ROBO1: variants seen among roughly 807,000 people sequenced by gnomAD.
The protein encoded by ROBO1 is roundabout guidance receptor 1.
In ROBO1, 149 loss-of-function variants were observed where a neutral mutation model predicts 195.9. The observed-to-expected ratio is 0.76, with a 90% CI of 0.67 to 0.87. The LOEUF is 0.87. Ranked by LOEUF, ROBO1 falls within the 40% of genes least tolerant of loss-of-function variation. The pLI is 0.00. For synonymous variants in ROBO1, 816 were observed against 733.2 expected (o/e 1.11, Z -1.82); for missense variants, 1,933 against 2,068.3 (o/e 0.93, Z 1.27).
chr3:79,677,833 T>C (rs1246719411), intron 1 of ROBO1, among the ~76,000 whole-genome samples: 2 of 152,100 alleles, frequency 1.3e-5, no homozygotes, highest in Non-Finnish European at 2.9e-5. Flanking sequence ...AATGAGAACA[T>C]AGCCAGGCCA....
At chr3:79,704,546 C>A (rs1310704422) in intron 1 of ROBO1, among the ~76,000 whole-genome samples, 1 of 151,938 alleles carries the variant, frequency 6.6e-6, no homozygotes, top group East Asian at 1.9e-4. Flanking sequence ...GCATAGTATT[C>A]TATTGTCTGC....
chr3:79,740,642 A>T (rs1404835571), intron 1 of ROBO1, among the ~76,000 whole-genome samples: 1 of 152,154 alleles, frequency 6.6e-6, no homozygotes, highest in African/African-American at 2.4e-5. Flanking sequence ...ACTCACTATC[A>T]CGAGAACAGT....
chr3:78,841,266 CTA>C (rs2033181647), intron 4 of ROBO1, among the ~76,000 whole-genome samples: 1 of 152,066 alleles, frequency 6.6e-6, no homozygotes, highest in Non-Finnish European at 1.5e-5. Context: ...CATACACAAA[CTA>C]TGAATAAGCC....
intron 2 of ROBO1, among the ~76,000 whole-genome samples, chr3:79,474,601 C>T (rs1024085072): frequency 2.0e-5 from 3 of 151,944 alleles, no homozygotes; most frequent in African/African-American, 7.2e-5. Context: ...TTTAGGAGGG[C>T]CACACATAAA....
intron 1 of ROBO1, among the ~76,000 whole-genome samples, chr3:79,600,391 C>A (rs924018792): frequency 8.6e-5 from 13 of 151,856 alleles, no homozygotes; most frequent in African/African-American, 3.1e-4. Context: ...TCTGTCTTGA[C>A]ACATGTTGAG....
At position 78,704,407 on chromosome 3, in the gene ROBO1, CTATT is replaced by C. The variant is rs368269043; in HGVS notation, c.1045+9986_1045+9989del. Among the ~76,000 whole-genome samples, 1,173 of 152,144 alleles carry C rather than the reference CTATT, an allele frequency of 7.7e-3. 8 individuals are homozygous for C. Among genetic ancestry groups the C allele is most frequent in the African/African-American group, 0.027 (1,122 of 41,524 alleles). ...GACAGAAAGTTAAACATAGTGAACT[CTATT>C]TATGGAAACCACAGATTTACAAAGT... On this transcript the variant is annotated intron_variant, in intron 8 of 30. Coordinates refer to ENST00000464233, the MANE Select transcript of ROBO1 (RefSeq NM_002941.4).
chr3:78,996,963 A>T (rs1404553284), intron 3 of ROBO1, among the ~76,000 whole-genome samples: 1 of 152,166 alleles, frequency 6.6e-6, no homozygotes, highest in Non-Finnish European at 1.5e-5. Context: ...ATGTAGATAT[A>T]AGACAGTGTT....
intron 2 of ROBO1, among the ~76,000 whole-genome samples, chr3:79,329,797 C>T (rs2034359249): frequency 1.3e-5 from 2 of 152,082 alleles, no homozygotes; most frequent in African/African-American, 4.8e-5. Flanking sequence ...CGTATTAATA[C>T]TTTACCTGTA....
chr3:79,593,799 T>A (rs1158005282), intron 1 of ROBO1, among the ~76,000 whole-genome samples: 1 of 151,866 alleles, frequency 6.6e-6, no homozygotes, highest in Non-Finnish European at 1.5e-5. Flanking sequence ...TTTTTTTTGG[T>A]AGAGACAGGA....
chr3:79,512,898 A>T (rs2107547493), intron 2 of ROBO1: 1 of 152,280 alleles, frequency 6.6e-6, no homozygotes, highest in South Asian at 2.1e-4. Flanking sequence ...TAAAGTGCCC[A>T]TTATGCATAA....
chr3:79,502,288 G>A (rs911846325), intron 2 of ROBO1, among the ~76,000 whole-genome samples: 1 of 152,128 alleles, frequency 6.6e-6, no homozygotes, highest in African/African-American at 2.4e-5. Context: ...GGGGCTGCGC[G>A]CGGCGCTTGC....
intron 2 of ROBO1, among the ~76,000 whole-genome samples, chr3:79,385,446 A>T (rs1432241443): frequency 1.3e-5 from 2 of 152,064 alleles, no homozygotes; most frequent in Non-Finnish European, 2.9e-5. Context: ...CAGGATTTTT[A>T]AAAATAACTC....
chr3:78,605,910 T>C (rs1469701641), intron 29 of ROBO1, among the ~76,000 whole-genome samples: 2 of 152,200 alleles, frequency 1.3e-5, no homozygotes, highest in African/African-American at 4.8e-5. Flanking sequence ...GGCCACTCTC[T>C]GAAGTGTCTG....
At chr3:79,135,502 GT>G in intron 2 of ROBO1, among the ~76,000 whole-genome samples, 1 of 152,094 alleles carries the variant, frequency 6.6e-6, no homozygotes. Context: ...AACATACTTA[GT>G]TTTTAGGATA....
At chr3:78,881,851 T>G (rs901302841) in intron 4 of ROBO1, among the ~76,000 whole-genome samples, 2 of 152,212 alleles carry the variant, frequency 1.3e-5, no homozygotes, top group Admixed American at 1.3e-4. Context: ...GTATAAGAAT[T>G]ACTAATTTAA....
intron 2 of ROBO1, among the ~76,000 whole-genome samples, chr3:79,495,667 C>A (rs752627848): frequency 6.6e-6 from 1 of 152,064 alleles, no homozygotes; most frequent in Non-Finnish European, 1.5e-5. Context: ...TTGATACATG[C>A]GGTTAAAATG....
intron 3 of ROBO1, among the ~76,000 whole-genome samples, chr3:79,061,677 A>G (rs980645299): frequency 1.3e-5 from 2 of 152,156 alleles, no homozygotes; most frequent in African/African-American, 4.8e-5. Context: ...AACAGAACAG[A>G]GACCTCAGAA....
chr3:79,259,541 A>AT (rs1242710520), intron 2 of ROBO1, among the ~76,000 whole-genome samples: 1 of 151,908 alleles, frequency 6.6e-6, no homozygotes, highest in East Asian at 1.9e-4. Flanking sequence ...CATTCTTTCT[A>AT]TTTTTTTGTG....
At chr3:79,492,194 GCAGGCGGATCACCT>G (rs1442990331) in intron 2 of ROBO1, among the ~76,000 whole-genome samples, 1 of 152,122 alleles carries the variant, frequency 6.6e-6, no homozygotes, top group Admixed American at 6.5e-5. Flanking sequence ...GGAGGCCGAG[GCAGGCGGATCACCT>G]CAGGTCAGGA....
Sources: allele counts gnomAD v4.1 joint callset (sites outside exome capture counted in the v4.1 genomes callset), GRCh38; gene constraint gnomAD v4.1.1; transcripts MANE v1.5; gene names NCBI Gene and HGNC (gene_info 2026-07-23, HGNC 2026-07-21).